The following SETX variants were observed in gnomAD, a reference collection of about 807,000 sequenced individuals.
The protein encoded by SETX is senataxin.
A neutral mutation model predicts 227.2 loss-of-function variants in SETX; 90 were observed. That is an observed-to-expected ratio of 0.40 (90% CI 0.33 to 0.47). The LOEUF is 0.47. Ranked by LOEUF, SETX falls within the 20% of genes least tolerant of loss-of-function variation. SETX has a pLI of 0.91. For missense variants in SETX, 3,052 were observed against 3,181.5 expected, an observed-to-expected ratio of 0.96 and a Z score of 0.98; for synonymous variants, 1,210 against 1,113.2, an observed-to-expected ratio of 1.09 and a Z score of -1.73.
At chr9:132,334,305 G>C (rs887651307) in intron 7 of SETX, among the ~76,000 whole-genome samples, 12 of 152,230 alleles carry the variant, frequency 7.9e-5, no homozygotes, top group Admixed American at 3.9e-4. Flanking sequence ...AAAATTAGCT[G>C]GGCGTGGTGG....
chr9:132,326,253 A>G, intron 10 of SETX, 71 bp downstream of exon 10: 1 of 1,221,226 alleles, frequency 8.2e-7, no homozygotes, highest in Non-Finnish European at 1.2e-6. Context: ...CTATACTCTC[A>G]TTTTCACTCA....
chr9:132,273,772 T>G (rs947657170), intron 23 of SETX, among the ~76,000 whole-genome samples: 3 of 151,296 alleles, frequency 2.0e-5, no homozygotes, highest in Non-Finnish European at 4.4e-5. Context: ...TTCTTTCCAG[T>G]AAAGATGCTT....
rs751478932 is a variant in SETX at position 132,264,595 on chromosome 9, G to A, written c.7678C>T (p.Pro2560Ser). ...GCTCCAGGATGCTGGGGGCTCGAGG[G>A]TTGTGGATCCCAAAGGAATATTCCT... ...KGGIFLWDPQ[P>S]SSPQHPGATP... The change falls in exon 26 of 26, where the codon CCC becomes TCC. Residue 2560 changes from proline (P) to serine (S), a missense_variant. Pro to Ser is a moderately conservative substitution (Grantham distance 74, BLOSUM62 -1). This residue lies in a region of SETX where 294 missense variants were observed against 278.8 expected (regional missense o/e 1.05). Transcript: ENST00000224140. The A allele has an allele frequency of 1.2e-6, 2 of 1,614,212 alleles. No homozygotes were observed. Among genetic ancestry groups the A allele is most frequent in the Non-Finnish European group, 1.7e-6 (2 of 1,180,038 alleles).
rs200071823 is a variant in SETX, at chr9:132,329,321, G to T, written c.2277C>A (p.Ser759=). The stretch of plus-strand genomic sequence containing the variant: ...TTAAAGAGAAATCTTCATTCGATGT[G>T]GACACTTTTTCCAAAGCATCAGTGC... ...DSSTDALEKV[S]TSNEDFSLKD... The change falls in exon 10 of 26, where the codon TCC becomes TCA. Residue 759 remains serine (S), a synonymous_variant. Coordinates refer to ENST00000224140, the MANE Select transcript of SETX (RefSeq NM_015046.7). The T allele has an allele frequency of 5.6e-6, 9 of 1,613,654 alleles. No individual in the cohort carries two copies. The highest frequency in any genetic ancestry group is 7.6e-6 in the Non-Finnish European group (9 of 1,179,880).
Position 132,322,949 on chromosome 9 carries a change from C to A in SETX, c.5274+3375G>T, listed in dbSNP as rs553149945. 8.4e-4 allele frequency among the ~76,000 whole-genome samples: 127 copies of A among 151,900 alleles called. 1 individual carries two copies. The highest frequency in any genetic ancestry group is 3.1e-3 in the African/African-American group (127 of 41,426). On this transcript the variant is annotated intron_variant, in intron 10 of 25. Transcript: ENST00000224140. ...TAAAAATACGCTAAAAAGGATTCAA[C>A]GGACTTAGGAGAAAAGTTGAGGTGG...
chr9:132,280,751 A>G (rs1843454014), intron 20 of SETX, among the ~76,000 whole-genome samples: 2 of 152,180 alleles, frequency 1.3e-5, no homozygotes, highest in East Asian at 3.8e-4. Flanking sequence ...ATTTCATTAA[A>G]TTTCAAAACC....
Position 132,288,240 on chromosome 9 carries a change from A to T in SETX, c.6320T>A (p.Ile2107Lys), listed in dbSNP as rs1476455627. The T allele has an allele frequency of 6.2e-7, 1 of 1,613,020 alleles. No homozygotes were observed. The highest frequency in any genetic ancestry group is 1.3e-5 in the African/African-American group (1 of 74,898). ...QRALCRGGRE[I>K]QRQELDENIS... ...ATTCAAGAAATGCAAAGATACCTGT[A>T]TTTCCCGTCCACCTCGGCATAGAGC... Residue 2107 changes from isoleucine (I) to lysine (K), a missense_variant, in exon 17 of 26, where the codon ATA (isoleucine) becomes AAA (lysine). Around this residue, in one of 10 missense-constraint regions of SETX, gnomAD observed 412 missense variants for 589.0 expected, o/e 0.70. Coordinates refer to ENST00000224140, the MANE Select transcript of SETX (RefSeq NM_015046.7).
chr9:132,306,556 G>C (rs769184185), intron 11 of SETX, among the ~76,000 whole-genome samples: 16 of 151,726 alleles, frequency 1.1e-4, no homozygotes, highest in Non-Finnish European at 2.1e-4. Flanking sequence ...TTTTCTCTGT[G>C]GGTTATACAT....
At chr9:132,291,791 T>C (rs80101256) in intron 15 of SETX, among the ~76,000 whole-genome samples, 1,912 of 152,248 alleles carry the variant, frequency 0.013, 32 homozygotes, top group African/African-American at 0.038. Flanking sequence ...GACTTTAAAA[T>C]TCTATTGAGT....
intron 7 of SETX, among the ~76,000 whole-genome samples, chr9:132,333,414 TATACAC>T (rs1315727304): frequency 9.7e-6 from 1 of 103,392 alleles, no homozygotes; most frequent in Admixed American, 9.8e-5. Context: ...AAAAAATATA[TATACAC>T]ACACACACAC....
At chr9:132,304,632 C>CA (rs34179466) in intron 11 of SETX, among the ~76,000 whole-genome samples, 11,209 of 104,438 alleles carry the variant, frequency 0.11, 669 homozygotes, top group African/African-American at 0.2. Context: ...GACCCTGTTT[C>CA]AAAAAAAAAA....
At chr9:132,307,537 A>G (rs1845404641) in intron 11 of SETX, among the ~76,000 whole-genome samples, 1 of 152,170 alleles carries the variant, frequency 6.6e-6, no homozygotes, top group Non-Finnish European at 1.5e-5. Context: ...TATATGATGA[A>G]CTTGGAACAT....
At chr9:132,355,055 G>C (rs1233095399), upstream of SETX, 2 of 151,484 alleles carry the variant, frequency 1.3e-5, no homozygotes, top group Admixed American at 1.3e-4. Flanking sequence ...CGCTGAGTCG[G>C]CCGGCCGCAG....
Position 132,327,802 on chromosome 9 carries a change from G to A in SETX, c.3796C>T (p.Pro1266Ser), listed in dbSNP as rs751603620. The A allele has an allele frequency of 5.8e-5, 93 of 1,614,048 alleles. No individual in the cohort carries two copies. The highest frequency in any genetic ancestry group is 7.7e-5 in the Non-Finnish European group (91 of 1,180,034). Residue 1266 changes from proline (P) to serine (S), a missense_variant, in exon 10 of 26, where the codon CCT becomes TCT. Pro to Ser is a moderately conservative substitution (Grantham distance 74). Around this residue, in one of 10 missense-constraint regions of SETX, gnomAD observed 1,483 missense variants for 1,312.0 expected, o/e 1.13. Transcript: ENST00000224140. ...SSNYLSCRTT[P>S]AIVPPKKFRQ... is the part of the protein sequence containing the mutation. ...AATTTCTTTGGCGGCACTATAGCAG[G>A]AGTTGTTCTACAACTTAGGTAATTT...
chr9:132,286,498 GA>G lies in SETX; in HGVS notation c.6325-5del, dbSNP rs762340703. ...TGTTTTCATCTAATTCTTGCCTCTG[GA>G]AAAAAATTCAAATGTCACAATTAAA... On this transcript the variant is annotated splice_region_variant and splice_polypyrimidine_tract_variant and intron_variant, in intron 17 of 25. Transcript: ENST00000224140. 1.4e-5 allele frequency: 22 copies of G among 1,610,208 alleles called. No homozygotes were observed. Among genetic ancestry groups the G allele is most frequent in the Non-Finnish European group, 1.8e-5 (21 of 1,177,042 alleles).
At chr9:132,284,082 C>T (rs768457978) in intron 18 of SETX, among the ~76,000 whole-genome samples, 8 of 152,140 alleles carry the variant, frequency 5.3e-5, no homozygotes, top group East Asian at 1.9e-4. Flanking sequence ...TCAGCACATA[C>T]GATATATTCA....
intron 3 of SETX, among the ~76,000 whole-genome samples, chr9:132,347,287 A>C (rs370081497): frequency 9.2e-5 from 14 of 152,072 alleles, no homozygotes; most frequent in African/African-American, 3.1e-4. Context: ...AAAAACAAGA[A>C]AACAAAAAAT....
chr9:132,341,386 CGT>C (rs1424819366), intron 5 of SETX, among the ~76,000 whole-genome samples: 1 of 152,130 alleles, frequency 6.6e-6, no homozygotes, highest in African/African-American at 2.4e-5. Flanking sequence ...GCGCTTTCCT[CGT>C]GTGTTTCAGG....
rs747373267 is a variant in SETX, at chr9:132,329,737, T to C, written c.1861A>G (p.Lys621Glu). 5 of 1,614,010 alleles carry C rather than the reference T, an allele frequency of 3.1e-6. No individual in the cohort carries two copies. Among genetic ancestry groups the C allele is most frequent in the Non-Finnish European group, 4.2e-6 (5 of 1,180,020 alleles). The stretch of plus-strand genomic sequence containing the variant: ...TTCCCCATTTGTTCACTTTCTTCTT[T>C]ATTATAAGATGCAGGAGAGATTTTA... ...ACKISPASYN[K>E]EESEQMGKTS... The change falls in exon 10 of 26, where the codon AAA (lysine) becomes GAA (glutamate). Residue 621 changes from lysine to glutamate, a missense_variant. This residue lies in a region of SETX where 1,483 missense variants were observed against 1,312.0 expected (regional missense o/e 1.13). Transcript: ENST00000224140.
Sources: gnomAD v4.1 joint callset for allele counts (sites outside exome capture counted in the v4.1 genomes callset) on GRCh38, gnomAD v4.1.1 for gene constraint, gnomAD v4.1.1 regional missense constraint, MANE v1.5 for transcripts, NCBI Gene and HGNC (gene_info 2026-07-23, HGNC 2026-07-21) for gene names.